Variants in NALCN observed in about 807,000 individuals in gnomAD.
NALCN encodes sodium leak channel, non-selective.
NALCN carries 111 observed loss-of-function variants against 225.3 expected under a neutral mutation model. That is an observed-to-expected ratio of 0.49 (90% confidence interval 0.42 to 0.58). The LOEUF (loss-of-function observed/expected upper bound fraction) is 0.58. NALCN is among the 20% of genes least tolerant of loss of function. NALCN has a pLI of 0.00. For synonymous variants in NALCN, 764 were observed against 769.0 expected (o/e 0.99, Z 0.11); for missense variants, 1,378 against 2,202.4 (o/e 0.63, Z 7.49).
chr13:101,369,077 AT>A, intron 6 of NALCN: 1 of 302,782 alleles, frequency 3.3e-6, no homozygotes, highest in East Asian at 1.1e-4. Context: ...AACAGTTGTG[AT>A]TATGAGCAAC....
At chr13:101,187,402 G>A (rs9300655) in intron 14 of NALCN, among the ~76,000 whole-genome samples, 41,254 of 151,900 alleles carry the variant, frequency 0.27, 6,653 homozygotes, top group Non-Finnish European at 0.37. Flanking sequence ...ATTATTATTT[G>A]TTAACTAAAA....
chr13:101,289,972 A>C (rs2043491317), intron 9 of NALCN, among the ~76,000 whole-genome samples: 1 of 152,078 alleles, frequency 6.6e-6, no homozygotes, highest in Non-Finnish European at 1.5e-5. Context: ...GTGGTGTTTC[A>C]CCCAGAGGCT....
At chr13:101,134,764 T>G (rs1341432884) in intron 17 of NALCN, among the ~76,000 whole-genome samples, 1 of 152,178 alleles carries the variant, frequency 6.6e-6, no homozygotes, top group East Asian at 1.9e-4. Flanking sequence ...ACTAACACAG[T>G]AGCCTGGGGT....
chr13:101,292,101 A>C lies in NALCN; in HGVS notation c.943-7T>G. The C allele has an allele frequency of 6.2e-7, 1 of 1,613,924 alleles. No individual in the cohort carries two copies. The highest frequency in any genetic ancestry group is 8.5e-7 in the Non-Finnish European group (1 of 1,179,914). ...TAACAGCAATAAACACGTTCTGAAA[A>C]AAATCACAAACCACATTTACCAAAG... On this transcript the variant is annotated splice_region_variant and splice_polypyrimidine_tract_variant and intron_variant, in intron 8 of 43. Transcript: ENST00000251127. The surrounding 1 kb of genome is among the most constrained non-coding windows in gnomAD (Gnocchi z 4.3).
At chr13:101,393,224 C>T (rs1341759306) in intron 3 of NALCN, among the ~76,000 whole-genome samples, 2 of 152,208 alleles carry the variant, frequency 1.3e-5, no homozygotes, top group African/African-American at 4.8e-5. Context: ...TCTAACCTCA[C>T]TCTCAAAAGG....
At chr13:101,365,237 C>T (rs992984200) in intron 6 of NALCN, among the ~76,000 whole-genome samples, 2 of 152,036 alleles carry the variant, frequency 1.3e-5, no homozygotes, top group African/African-American at 4.8e-5. Flanking sequence ...CTGTTGTTGC[C>T]TTCTTTGTGT....
At chr13:101,154,276 A>G (rs889429497) in intron 15 of NALCN, among the ~76,000 whole-genome samples, 1 of 152,168 alleles carries the variant, frequency 6.6e-6, no homozygotes, top group Admixed American at 6.5e-5. Flanking sequence ...TTTGACAACA[A>G]TTTTCCTGAT....
chr13:101,302,818 C>T (rs2044019777), intron 7 of NALCN, among the ~76,000 whole-genome samples: 1 of 151,834 alleles, frequency 6.6e-6, no homozygotes, highest in Admixed American at 6.6e-5. Context: ...CCTGTATTTG[C>T]TATCCACATT....
intron 11 of NALCN, among the ~76,000 whole-genome samples, chr13:101,257,736 G>A (rs1050448492): frequency 6.6e-6 from 1 of 151,854 alleles, no homozygotes; most frequent in Non-Finnish European, 1.5e-5. Flanking sequence ...ATTGAATTCT[G>A]AGATATATTT....
intron 6 of NALCN, among the ~76,000 whole-genome samples, chr13:101,368,332 C>A (rs1417188634): frequency 6.6e-6 from 1 of 152,000 alleles, no homozygotes; most frequent in Non-Finnish European, 1.5e-5. Flanking sequence ...AGGACATGAA[C>A]TCATCATTTT....
chr13:101,304,528 C>T (rs1181176347), intron 7 of NALCN, among the ~76,000 whole-genome samples: 1 of 152,016 alleles, frequency 6.6e-6, no homozygotes, highest in Non-Finnish European at 1.5e-5. Context: ...GCCATCTCGG[C>T]TCACTTCAAT....
intron 11 of NALCN, among the ~76,000 whole-genome samples, chr13:101,246,115 G>A (rs1237244920): frequency 6.6e-6 from 1 of 152,076 alleles, no homozygotes; most frequent in Non-Finnish European, 1.5e-5. Context: ...TTGCTTTGCT[G>A]TGCGTTTTGT....
intron 14 of NALCN, among the ~76,000 whole-genome samples, chr13:101,177,459 G>A (rs759227899): frequency 4.4e-5 from 6 of 136,464 alleles, no homozygotes; most frequent in South Asian, 4.9e-4. Context: ...TGCATATAAC[G>A]GAGTAATAGA....
chr13:101,379,760 C>T (rs770921643), intron 3 of NALCN, among the ~76,000 whole-genome samples: 1 of 152,010 alleles, frequency 6.6e-6, no homozygotes, highest in African/African-American at 2.4e-5. Context: ...AAACACCTAA[C>T]GTAGATGACA....
chr13:101,106,344 A>G (rs1169838357), intron 22 of NALCN, among the ~76,000 whole-genome samples: 1 of 152,186 alleles, frequency 6.6e-6, no homozygotes, highest in Non-Finnish European at 1.5e-5. Context: ...TGGAGGGGGA[A>G]CAATTCAGTC....
intron 37 of NALCN, among the ~76,000 whole-genome samples, chr13:101,070,063 G>GTTCTTTTTTT (rs536866923): frequency 0.01 from 986 of 98,302 alleles, 142 homozygotes; most frequent in African/African-American, 0.038. Flanking sequence ...AATCATGAAT[G>GTTCTTTTTTT]TTTTTTTTTT....
chr13:101,172,163 GA>G (rs1410141036), intron 15 of NALCN, among the ~76,000 whole-genome samples: 1 of 152,054 alleles, frequency 6.6e-6, no homozygotes, highest in Non-Finnish European at 1.5e-5. Flanking sequence ...AAAATAATGG[GA>G]AAAGACATAC....
In NALCN at chr13:101,284,011, A is replaced by G. The variant is rs1275992828; in HGVS notation, c.1056T>C (p.His352=). The G allele has an allele frequency of 5.0e-6, 8 of 1,613,250 alleles. No homozygotes were observed. Among genetic ancestry groups the G allele is most frequent in the Non-Finnish European group, 6.8e-6 (8 of 1,179,676 alleles). ...GCTGCCAACCTCCAGCAGCATCTTC[A>G]TGAAACATCTTCAAGACAAAGAAGG... ...TTSTATTQMF[H]EDAAGGWQLV... Residue 352 remains histidine, a synonymous_variant, in exon 10 of 44, where the codon CAT becomes CAC. Transcript: ENST00000251127.
intron 13 of NALCN, among the ~76,000 whole-genome samples, chr13:101,197,562 T>G (rs1458431261): frequency 6.6e-6 from 1 of 152,180 alleles, no homozygotes; most frequent in Non-Finnish European, 1.5e-5. Context: ...TGTTTGCTGC[T>G]AGTAACATTA....
Sources: allele counts gnomAD v4.1 joint callset (sites outside exome capture counted in the v4.1 genomes callset), GRCh38; gene constraint gnomAD v4.1.1; non-coding constraint Gnocchi (gnomAD v3.1); transcripts MANE v1.5; gene names NCBI Gene and HGNC (gene_info 2026-07-23, HGNC 2026-07-21).